KCNMA1: variants seen among roughly 807,000 people sequenced by gnomAD.
KCNMA1 encodes the protein Calcium-activated potassium channel subunit alpha-1.
Under a neutral mutation model 140.0 loss-of-function variants are expected in KCNMA1, and 29 were observed. That is an observed-to-expected ratio of 0.21 (90% CI 0.15 to 0.28). KCNMA1 has a LOEUF of 0.28. KCNMA1 is among the 10% of genes least tolerant of loss of function. The probability of loss-of-function intolerance (pLI) is 1.00; values close to 1 mark genes in which losing one functional copy is unlikely to be tolerated. For missense variants in KCNMA1, 880 were observed against 1,602.2 expected (o/e 0.55, Z 7.70); for synonymous variants, 612 against 611.9 (o/e 1.00, Z 0.00).
intron 1 of KCNMA1, among the ~76,000 whole-genome samples, chr10:77,495,286 T>C (rs1019930199): frequency 1.3e-5 from 2 of 152,196 alleles, no homozygotes; most frequent in Non-Finnish European, 2.9e-5. Flanking sequence ...CCCAGGCCTT[T>C]GTGGCCTCCC....
At chr10:77,114,850 T>C (rs1757817673) in intron 6 of KCNMA1, among the ~76,000 whole-genome samples, 1 of 152,232 alleles carries the variant, frequency 6.6e-6, no homozygotes, top group Non-Finnish European at 1.5e-5. Flanking sequence ...ATTTTCCCAG[T>C]AGTGGCTTAA....
At chr10:77,566,071 A>AGGG (rs563128317) in intron 1 of KCNMA1, among the ~76,000 whole-genome samples, 112 of 146,932 alleles carry the variant, frequency 7.6e-4, no homozygotes, top group African/African-American at 2.2e-3. Context: ...CACAAACAAG[A>AGGG]TCAGGCAGCA....
chr10:77,546,633 G>T (rs1043628999), intron 1 of KCNMA1, among the ~76,000 whole-genome samples: 1 of 152,338 alleles, frequency 6.6e-6, no homozygotes, highest in Non-Finnish European at 1.5e-5. Context: ...CCCCACACTG[G>T]CTGAGTATCT....
chr10:77,061,543 A>T (rs1040590355), intron 14 of KCNMA1, among the ~76,000 whole-genome samples: 26 of 152,218 alleles, frequency 1.7e-4, no homozygotes, highest in Non-Finnish European at 4.4e-5. Flanking sequence ...AAACTCCTGC[A>T]TTGCTTGCTG....
intron 1 of KCNMA1, among the ~76,000 whole-genome samples, chr10:77,482,962 C>A (rs2098415367): frequency 6.8e-6 from 1 of 148,074 alleles, no homozygotes; most frequent in Admixed American, 6.8e-5. Flanking sequence ...CTCCCCCATC[C>A]TTCCTCTCTT....
chr10:77,321,140 T>C (rs756797783), intron 2 of KCNMA1, among the ~76,000 whole-genome samples: 3 of 152,244 alleles, frequency 2.0e-5, no homozygotes, highest in Non-Finnish European at 2.9e-5. Flanking sequence ...GAATGATGTA[T>C]GTTTAGTGTA....
Position 76,886,208 on chromosome 10 carries a change from T to C in KCNMA1, c.*1058A>G. Reference sequence around the variant, plus strand: ...ACTCTACCATTGCCCCAGCCCTTCCTCCTACCTGGCATTGGGGCCCTAACT... The same window carrying C: ...ACTCTACCATTGCCCCAGCCCTTCCCCCTACCTGGCATTGGGGCCCTAACT... On this transcript the variant is annotated 3_prime_UTR_variant, in exon 28 of 28. Coordinates refer to ENST00000286628, the MANE Select transcript of KCNMA1 (RefSeq NM_001161352.2). 2 of 985,372 alleles carry C rather than the reference T, an allele frequency of 2.0e-6. No homozygotes were observed. 61.0% of individuals were successfully genotyped at this position (985,372 alleles called of 1,614,324 possible).
chr10:77,146,710 A>G, intron 5 of KCNMA1, among the ~76,000 whole-genome samples: 2 of 46,812 alleles, frequency 4.3e-5, no homozygotes, highest in East Asian at 5.3e-4. Flanking sequence ...TCAAAAAAAA[A>G]AAAAAAAAAA....
rs200163401 is a variant in KCNMA1 at position 76,899,680 on chromosome 10, G to GTA, written c.3148-7963_3148-7962dup. 3.1e-3 allele frequency among the ~76,000 whole-genome samples: 470 copies of GTA among 152,164 alleles called. 3 individuals are homozygous for GTA. The highest frequency in any genetic ancestry group is 0.011 in the African/African-American group (442 of 41,518). On this transcript the variant is annotated intron_variant, in intron 25 of 27. Coordinates refer to ENST00000286628, the MANE Select transcript of KCNMA1 (RefSeq NM_001161352.2). ...AGACAGTTTGCTGATCCATTCCTTA[G>GTA]TATAACAAGGAAAGCATTGCATACC...
At chr10:77,426,419 T>C (rs576781203) in intron 1 of KCNMA1, among the ~76,000 whole-genome samples, 2 of 152,166 alleles carry the variant, frequency 1.3e-5, no homozygotes, top group Non-Finnish European at 2.9e-5. Flanking sequence ...GTATGTACTA[T>C]TATTATGCCC....
chr10:76,919,680 A>T (rs2054495990), intron 23 of KCNMA1, among the ~76,000 whole-genome samples: 1 of 152,106 alleles, frequency 6.6e-6, no homozygotes, highest in African/African-American at 2.4e-5. Context: ...CACTATAAGC[A>T]TTGTGCAGAC....
intron 2 of KCNMA1, among the ~76,000 whole-genome samples, chr10:77,294,068 A>G (rs2074215766): frequency 6.6e-6 from 1 of 152,278 alleles, no homozygotes; most frequent in Non-Finnish European, 1.5e-5. Flanking sequence ...TACTCAAATC[A>G]AAGTCTCGAC....
At chr10:76,997,959 C>T (rs1462974152) in intron 19 of KCNMA1, among the ~76,000 whole-genome samples, 6 of 152,222 alleles carry the variant, frequency 3.9e-5, no homozygotes, top group South Asian at 4.1e-4. Context: ...GAATCCTTAT[C>T]GGTCACAATT....
chr10:77,588,986 A>C (rs1346989339), intron 1 of KCNMA1, among the ~76,000 whole-genome samples: 1 of 152,248 alleles, frequency 6.6e-6, no homozygotes, highest in Non-Finnish European at 1.5e-5. Flanking sequence ...CAGACTGTGC[A>C]GGCCAGTTAG....
intron 1 of KCNMA1, among the ~76,000 whole-genome samples, chr10:77,595,679 T>TTGTTTTGTTTTTG (rs1476799606): frequency 3.3e-5 from 5 of 152,138 alleles, no homozygotes; most frequent in African/African-American, 1.2e-4. Flanking sequence ...TTTGTTTTGT[T>TTGTTTTGTTTTTG]TTTTGAGATG....
At chr10:76,945,479 G>C (rs774613368) in intron 22 of KCNMA1, among the ~76,000 whole-genome samples, 3 of 152,144 alleles carry the variant, frequency 2.0e-5, no homozygotes, top group Non-Finnish European at 2.9e-5. Flanking sequence ...GGTGGGCCTG[G>C]ATGTGCGGCT....
chr10:77,160,647 T>G (rs1376828520), intron 5 of KCNMA1, among the ~76,000 whole-genome samples: 2 of 152,232 alleles, frequency 1.3e-5, no homozygotes, highest in Non-Finnish European at 2.9e-5. Flanking sequence ...GGAACATCCT[T>G]GCCCATATCT....
chr10:77,377,318 A>G (rs1450715240), intron 2 of KCNMA1, among the ~76,000 whole-genome samples: 2 of 152,168 alleles, frequency 1.3e-5, no homozygotes, highest in Admixed American at 6.5e-5. Context: ...TTCCCACGCC[A>G]AGGACAAAGA....
At chr10:77,054,003 C>T (rs983490396) in intron 14 of KCNMA1, among the ~76,000 whole-genome samples, 57 of 152,112 alleles carry the variant, frequency 3.7e-4, no homozygotes, top group African/African-American at 1.3e-3. Context: ...TGCACAGCCG[C>T]ACAACCCCCC....
Sources: gnomAD v4.1 joint callset for allele counts (sites outside exome capture counted in the v4.1 genomes callset) on GRCh38, gnomAD v4.1.1 for gene constraint, MANE v1.5 for transcripts, NCBI Gene and HGNC (gene_info 2026-07-23, HGNC 2026-07-21) for gene names.